The following PARD3B variants were observed in gnomAD, a reference collection of about 807,000 sequenced individuals.
The protein encoded by PARD3B is par-3 family cell polarity regulator beta.
Under a neutral mutation model 130.2 loss-of-function variants are expected in PARD3B, and 103 were observed. That is an observed-to-expected ratio of 0.79 (90% CI 0.67 to 0.93). PARD3B has a LOEUF of 0.93. PARD3B is among the 40% of genes least tolerant of loss of function. The pLI is 0.00. For synonymous variants in PARD3B, 583 were observed against 553.2 expected (o/e 1.05, Z -0.76); for missense variants, 1,609 against 1,499.2 (o/e 1.07, Z -1.21).
intron 21 of PARD3B, among the ~76,000 whole-genome samples, chr2:205,538,855 T>A (rs916721396): frequency 3.9e-5 from 6 of 152,232 alleles, no homozygotes; most frequent in Admixed American, 2.0e-4. Context: ...TAAGAATGAA[T>A]ATTTACTGAC....
In PARD3B at chr2:205,049,540, C is replaced by T. The variant is rs372048947; in HGVS notation, c.504+1850C>T. 8.4e-4 allele frequency among the ~76,000 whole-genome samples: 128 copies of T among 152,212 alleles called. 1 individual carries two copies. The South Asian group carries it at 0.023, about 28-fold the overall frequency. ...GTCCGGACAGAAACCTTAACCATAT[C>T]GGTCCTCCAATGTTTATTTCCATGT... On this transcript the variant is annotated intron_variant, in intron 4 of 22. Coordinates refer to ENST00000406610, the MANE Select transcript of PARD3B (RefSeq NM_001302769.2).
At chr2:205,072,240 CT>C (rs34061560) in intron 4 of PARD3B, among the ~76,000 whole-genome samples, 62,722 of 140,364 alleles carry the variant, frequency 0.45, 13,042 homozygotes, top group Admixed American at 0.57. Context: ...AATTCAGGTC[CT>C]TTTTTTTTTT....
chr2:205,202,609 C>T (rs962342564), intron 15 of PARD3B, among the ~76,000 whole-genome samples: 21 of 152,214 alleles, frequency 1.4e-4, no homozygotes, highest in African/African-American at 5.1e-4. Context: ...AACTTAGCTG[C>T]ACTCTTTTAT....
intron 3 of PARD3B, among the ~76,000 whole-genome samples, chr2:205,004,444 C>T (rs1414840630): frequency 6.6e-6 from 1 of 152,156 alleles, no homozygotes; most frequent in African/African-American, 2.4e-5. Context: ...CATTTCAATT[C>T]AGGCCCTAAG....
rs1269167554 is a variant in PARD3B at position 205,423,363 on chromosome 2, C to T, written c.2742-17007C>T. The stretch of plus-strand genomic sequence containing the variant: ...AGGGGACCTTAGTTTGCAGACCTGA[C>T]GGACAAGCCTGTGGTTCTTTCACCT... On this transcript the variant is annotated intron_variant, in intron 19 of 22. Coordinates refer to ENST00000406610, the MANE Select transcript of PARD3B (RefSeq NM_001302769.2). Among the ~76,000 whole-genome samples, 9 of 152,162 alleles carry T rather than the reference C, an allele frequency of 5.9e-5. No homozygotes were observed. In the South Asian group the frequency reaches 8.3e-4, roughly 14 times the overall value.
chr2:205,376,908 C>T (rs775515402), intron 18 of PARD3B, among the ~76,000 whole-genome samples: 6 of 151,870 alleles, frequency 4.0e-5, no homozygotes, highest in Non-Finnish European at 8.8e-5. Context: ...AGTTTGTTGC[C>T]GTGTTTTGTT....
intron 10 of PARD3B, among the ~76,000 whole-genome samples, chr2:205,129,347 G>A (rs1349270187): frequency 6.6e-6 from 1 of 152,192 alleles, no homozygotes; most frequent in Non-Finnish European, 1.5e-5. Context: ...GGTGATGTTT[G>A]GCACGTGCTG....
At chr2:204,854,068 GAGAA>G (rs909622432) in intron 2 of PARD3B, among the ~76,000 whole-genome samples, 18 of 152,090 alleles carry the variant, frequency 1.2e-4, no homozygotes, top group African/African-American at 4.3e-4. Context: ...CGAAGATCCT[GAGAA>G]AGAACAGAGC....
At chr2:204,809,655 A>G (rs1380960375) in intron 2 of PARD3B, among the ~76,000 whole-genome samples, 2 of 152,088 alleles carry the variant, frequency 1.3e-5, no homozygotes, top group Non-Finnish European at 2.9e-5. Flanking sequence ...CCCATAGTAT[A>G]GTTTGAAGTC....
rs1403175156 is a variant in PARD3B at position 205,575,172 on chromosome 2, A to G, written c.3260+21769A>G. 2.0e-5 allele frequency among the ~76,000 whole-genome samples: 3 copies of G among 152,020 alleles called. No homozygotes were observed. The highest frequency in any genetic ancestry group is 4.4e-5 in the Non-Finnish European group (3 of 68,014). On this transcript the variant is annotated intron_variant, in intron 22 of 22. Transcript: ENST00000406610. This position sits in a 1 kb window ranked among gnomAD's most constrained non-coding sequence, Gnocchi z 4.6. ...TAAGGTATATATATATTATACACACACATATATATCATATATATACAATAT... is the reference window on the plus strand; with the variant it reads ...TAAGGTATATATATATTATACACACGCATATATATCATATATATACAATAT...
rs1691354581 is a variant in PARD3B, at chr2:204,967,503, C to T, written c.394+2180C>T. On this transcript the variant is annotated intron_variant, in intron 3 of 22. Transcript: ENST00000406610. The surrounding 1 kb of genome is among the most constrained non-coding windows in gnomAD (Gnocchi z 4.4). ...AACGACCTTCACTGGCTTCCCATCA[C>T]CCTGAGAACCATATCTAAACTCGTT... is the stretch of plus-strand genomic sequence containing the variant. 1.3e-5 allele frequency among the ~76,000 whole-genome samples: 2 copies of T among 152,116 alleles called. No homozygotes were observed. Among genetic ancestry groups the T allele is most frequent in the South Asian group, 4.1e-4 (2 of 4,828 alleles).
intron 3 of PARD3B, among the ~76,000 whole-genome samples, chr2:204,985,775 A>C (rs1039638305): frequency 6.6e-6 from 1 of 152,076 alleles, no homozygotes; most frequent in South Asian, 2.1e-4. Flanking sequence ...CAGAATAGAC[A>C]AAGGAGAAGG....
intron 18 of PARD3B, among the ~76,000 whole-genome samples, chr2:205,354,472 AAAAAGT>A (rs145895991): frequency 2.0e-5 from 3 of 149,518 alleles, no homozygotes; most frequent in Non-Finnish European, 3.0e-5. Flanking sequence ...AAAAAATGAA[AAAAAGT>A]AAAAAATTAA....
intron 11 of PARD3B, among the ~76,000 whole-genome samples, chr2:205,166,460 T>A (rs1344153276): frequency 1.3e-5 from 2 of 152,056 alleles, no homozygotes; most frequent in Admixed American, 6.6e-5. Context: ...AAAATAGAGG[T>A]CTTATTTGGG....
At chr2:205,416,725 G>T (rs938315320) in intron 19 of PARD3B, among the ~76,000 whole-genome samples, 1 of 151,998 alleles carries the variant, frequency 6.6e-6, no homozygotes, top group Non-Finnish European at 1.5e-5. Flanking sequence ...AAAAAATCAT[G>T]TAAGTATCCA....
At position 204,722,697 on chromosome 2, in the gene PARD3B, G is replaced by A. The variant is rs80271672; in HGVS notation, c.222+36415G>A. Among the ~76,000 whole-genome samples, 1,914 of 152,262 alleles carry A rather than the reference G, an allele frequency of 0.013. 74 individuals carry two copies. The East Asian group carries it at 0.14, about 11-fold the overall frequency. ...GGTTTGGTCCTTGTTAATAAGGAAGGAGAAATACCAAGACTTTCGTGAGTA... is the reference window on the plus strand; with the variant it reads ...GGTTTGGTCCTTGTTAATAAGGAAGAAGAAATACCAAGACTTTCGTGAGTA... On this transcript the variant is annotated intron_variant, in intron 2 of 22. Transcript: ENST00000406610.
Position 205,049,797 on chromosome 2 carries a change from G to A in PARD3B, c.504+2107G>A, listed in dbSNP as rs138928799. Among the ~76,000 whole-genome samples, 504 of 152,242 alleles carry A rather than the reference G, an allele frequency of 3.3e-3. 2 individuals carry two copies. Among genetic ancestry groups the A allele is most frequent in the Admixed American group, 5.4e-3 (83 of 15,270 alleles). ...CCCAAAATCCTTGTGCCTTACTTAT[G>A]CAAGTGATCAAATATGGGCTGAGTC... On this transcript the variant is annotated intron_variant, in intron 4 of 22. Coordinates refer to ENST00000406610, the MANE Select transcript of PARD3B (RefSeq NM_001302769.2).
chr2:205,047,417 G>A (rs190314575), intron 3 of PARD3B, among the ~76,000 whole-genome samples, 164 bp from the exon 4 acceptor site: 4 of 152,318 alleles, frequency 2.6e-5, no homozygotes, highest in Non-Finnish European at 5.9e-5. Context: ...CCTATAAATA[G>A]ATGACAAAAG....
intron 2 of PARD3B, among the ~76,000 whole-genome samples, chr2:204,863,474 A>G (rs2045293496): frequency 6.6e-6 from 1 of 152,166 alleles, no homozygotes; most frequent in Non-Finnish European, 1.5e-5. Context: ...TCGGAATTTC[A>G]GCTCTTTTCC....
Sources: gnomAD v4.1 joint callset for allele counts (sites outside exome capture counted in the v4.1 genomes callset) on GRCh38, gnomAD v4.1.1 for gene constraint, Gnocchi (gnomAD v3.1) non-coding constraint, MANE v1.5 for transcripts, NCBI Gene and HGNC (gene_info 2026-07-23, HGNC 2026-07-21) for gene names.